USP9Y: variants seen among roughly 807,000 people sequenced by gnomAD.
The protein encoded by USP9Y is ubiquitin carboxyl-terminal hydrolase 9Y.
A neutral mutation model predicts 53.1 loss-of-function variants in USP9Y; 41 were observed. That is an observed-to-expected ratio of 0.77 (90% confidence interval 0.60 to 1.00). The LOEUF (loss-of-function observed/expected upper bound fraction) is 1.00, where lower values mean the gene tolerates loss of function less well. Among genes scored for constraint, USP9Y ranks in the 50% least tolerant of loss-of-function variants. USP9Y has a pLI of 0.00. For synonymous variants in USP9Y, 220 were observed against 173.7 expected (o/e 1.27, Z -2.09); for missense variants, 567 against 535.8 (o/e 1.06, Z -0.58).
chrY:12,745,265 A>G, intron 12 of USP9Y, among the ~76,000 whole-genome samples: 1 of 34,148 alleles, frequency 2.9e-5, no homozygotes, highest in Middle Eastern at 0.014. Flanking sequence ...ATGCAGGAAG[A>G]ATAATTATTT....
intron 29 of USP9Y, among the ~76,000 whole-genome samples, chrY:12,811,165 G>A (rs781153377): frequency 1.2e-4 from 4 of 33,752 alleles, no homozygotes; most frequent in African/African-American, 4.6e-4. Context: ...TGAGAGATTC[G>A]TATTTACATT....
At chrY:12,703,541 G>A (rs969557838) in intron 1 of USP9Y, among the ~76,000 whole-genome samples, 1 of 33,349 alleles carries the variant, frequency 3.0e-5, no homozygotes, top group African/African-American at 1.2e-4. Flanking sequence ...TGGGTTCGTG[G>A]TCTCACTGAC....
intron 18 of USP9Y, among the ~76,000 whole-genome samples, chrY:12,776,199 A>G: frequency 3.5e-5 from 1 of 28,546 alleles, no homozygotes; most frequent in Non-Finnish European, 8.4e-5. Flanking sequence ...TTAGAGTTCA[A>G]TGGCGGGATC....
chrY:12,756,552 C>T (rs986019083), intron 12 of USP9Y, among the ~76,000 whole-genome samples: 2 of 33,317 alleles, frequency 6.0e-5, no homozygotes, highest in African/African-American at 1.2e-4. Flanking sequence ...CTTTACTTTT[C>T]AGGGACTATT....
intron 1 of USP9Y, among the ~76,000 whole-genome samples, chrY:12,707,583 GT>G (rs2053420422): frequency 3.0e-5 from 1 of 32,966 alleles, no homozygotes; most frequent in African/African-American, 1.2e-4. Context: ...GTCATGTGTG[GT>G]TTTTTGTTTA....
At chrY:12,724,834 G>A in intron 5 of USP9Y, among the ~76,000 whole-genome samples, 1 of 32,911 alleles carries the variant, frequency 3.0e-5, no homozygotes, top group Non-Finnish European at 7.4e-5. Context: ...TTCTTTTTCT[G>A]ATGTCATATT....
At chrY:12,781,849 G>A (rs982700934) in intron 22 of USP9Y, among the ~76,000 whole-genome samples, 2 of 33,316 alleles carry the variant, frequency 6.0e-5, no homozygotes, top group East Asian at 7.9e-4. Context: ...CCCGACTGAT[G>A]TCTCAAAGTC....
At chrY:12,746,286 C>T in intron 12 of USP9Y, among the ~76,000 whole-genome samples, 1 of 33,386 alleles carries the variant, frequency 3.0e-5, no homozygotes, top group Non-Finnish European at 7.4e-5. Context: ...CATTAGTTTA[C>T]TATTAATTTA....
At chrY:12,739,655 G>A (rs762651476) in intron 12 of USP9Y, 26 bp downstream of exon 12, 1 of 298,320 alleles carries the variant, frequency 3.4e-6, no homozygotes, top group South Asian at 3.3e-5. Context: ...GTAAAGTATT[G>A]CCAAATAGTA....
chrY:12,836,761 A>C (rs2053555565), intron 34 of USP9Y, among the ~76,000 whole-genome samples: 2 of 33,534 alleles, frequency 6.0e-5, no homozygotes, highest in African/African-American at 1.2e-4. Context: ...GCAGTGGTGC[A>C]ATCTCAGCTC....
intron 1 of USP9Y, among the ~76,000 whole-genome samples, 175 bp downstream of exon 1, chrY:12,702,230 A>G (rs2053416540): frequency 2.9e-5 from 1 of 34,141 alleles, no homozygotes. Flanking sequence ...TTAATTACTA[A>G]GCTGGGGCAG....
chrY:12,770,968 G>A, intron 15 of USP9Y, 100 bp from the exon 16 acceptor site: 2 of 189,580 alleles, frequency 1.1e-5, no homozygotes, highest in Admixed American at 9.3e-5. Flanking sequence ...ACAAGTTTCC[G>A]TTAATGAGAA....
chrY:12,740,365 A>T, intron 12 of USP9Y, among the ~76,000 whole-genome samples: 1 of 33,643 alleles, frequency 3.0e-5, no homozygotes, highest in African/African-American at 1.2e-4. Flanking sequence ...CCCGAAATGA[A>T]GGAAACAACT....
At chrY:12,705,103 A>G (rs777463087) in intron 1 of USP9Y, among the ~76,000 whole-genome samples, 1 of 33,245 alleles carries the variant, frequency 3.0e-5, no homozygotes, top group South Asian at 6.6e-4. Context: ...ATAAACTTTA[A>G]AACTATGAAC....
intron 7 of USP9Y, among the ~76,000 whole-genome samples, chrY:12,727,633 A>G (rs2053443903): frequency 6.0e-5 from 2 of 33,194 alleles, no homozygotes; most frequent in Non-Finnish European, 1.5e-4. Context: ...AGCGCATGAA[A>G]AAAAAACTTA....
chrY:12,821,229 C>T, intron 33 of USP9Y, among the ~76,000 whole-genome samples: 1 of 33,540 alleles, frequency 3.0e-5, no homozygotes, highest in African/African-American at 1.2e-4. Context: ...TTACTTTTCT[C>T]TCTATATAGG....
chrY:12,709,944 C>CAA (rs2053423353), intron 3 of USP9Y, among the ~76,000 whole-genome samples: 1 of 20,591 alleles, frequency 4.9e-5, no homozygotes, highest in Non-Finnish European at 1.1e-4. Context: ...GACCCTGTCT[C>CAA]AAAAAAAAAA....
chrY:12,730,008 A>G (rs2053445961), intron 7 of USP9Y, among the ~76,000 whole-genome samples: 4 of 29,815 alleles, frequency 1.3e-4, no homozygotes, highest in Middle Eastern at 0.027. Context: ...AGGCTGGAGT[A>G]TAGTGGTGCC....
At chrY:12,719,106 T>C (rs2053433190) in intron 3 of USP9Y, among the ~76,000 whole-genome samples, 4 of 34,317 alleles carry the variant, frequency 1.2e-4, no homozygotes, top group African/African-American at 4.5e-4. Context: ...GAAAGTTCTA[T>C]TAAACATTTA....
Sources: allele counts gnomAD v4.1 joint callset (sites outside exome capture counted in the v4.1 genomes callset), GRCh38; gene constraint gnomAD v4.1.1; transcripts MANE v1.5; gene names NCBI Gene and HGNC (gene_info 2026-07-23, HGNC 2026-07-21).